Variants in BBS9 observed in about 807,000 individuals in gnomAD.
The protein encoded by BBS9 is protein PTHB1.
In BBS9, 89 loss-of-function variants were observed where a neutral mutation model predicts 117.7. That is an observed-to-expected ratio of 0.76 (90% confidence interval 0.64 to 0.90). The LOEUF (loss-of-function observed/expected upper bound fraction) is 0.90, where lower values mean the gene tolerates loss of function less well. Ranked by LOEUF, BBS9 falls within the 40% of genes least tolerant of loss-of-function variation. BBS9 has a pLI of 0.00. For missense variants in BBS9, 982 were observed against 1,042.2 expected (o/e 0.94, Z 0.80); for synonymous variants, 379 against 370.9 (o/e 1.02, Z -0.25).
intron 9 of BBS9, among the ~76,000 whole-genome samples, chr7:33,294,315 AT>A (rs1804758374): frequency 7.2e-6 from 1 of 138,844 alleles, no homozygotes; most frequent in African/African-American, 3.0e-5. Flanking sequence ...CTATCTATCT[AT>A]CTATCTATCT....
At chr7:33,487,226 T>C (rs1843237110) in intron 19 of BBS9, among the ~76,000 whole-genome samples, 1 of 152,202 alleles carries the variant, frequency 6.6e-6, no homozygotes, top group South Asian at 2.1e-4. Flanking sequence ...GGTTTCTCCA[T>C]TTTTTAAACT....
intron 21 of BBS9, among the ~76,000 whole-genome samples, chr7:33,597,110 C>G (rs1185246138): frequency 7.1e-6 from 1 of 141,742 alleles, no homozygotes; most frequent in Non-Finnish European, 1.5e-5. Context: ...CACACACACA[C>G]ACAGTAAAAT....
chr7:33,225,830 G>A (rs1791159514), intron 5 of BBS9, among the ~76,000 whole-genome samples: 1 of 151,528 alleles, frequency 6.6e-6, no homozygotes, highest in Non-Finnish European at 1.5e-5. Flanking sequence ...TACATACTTA[G>A]TATTTAAAGG....
At chr7:33,353,262 C>T (rs1011804194) in intron 15 of BBS9, among the ~76,000 whole-genome samples, 1 of 152,112 alleles carries the variant, frequency 6.6e-6, no homozygotes, top group Admixed American at 6.5e-5. Context: ...TTGTGTTTTT[C>T]TACATCCTCC....
chr7:33,462,210 T>A (rs1839563841), intron 19 of BBS9, among the ~76,000 whole-genome samples: 1 of 152,098 alleles, frequency 6.6e-6, no homozygotes, highest in Non-Finnish European at 1.5e-5. Flanking sequence ...AATGTTCTCC[T>A]TGTGTTAAAC....
At chr7:33,187,227 C>G (rs184569633) in intron 5 of BBS9, among the ~76,000 whole-genome samples, 19 of 152,198 alleles carry the variant, frequency 1.2e-4, no homozygotes, top group Admixed American at 2.0e-4. Context: ...GCTGCATATA[C>G]TTAACGTAGT....
intron 19 of BBS9, among the ~76,000 whole-genome samples, chr7:33,400,709 G>A (rs1338342963): frequency 6.6e-6 from 1 of 152,000 alleles, no homozygotes; most frequent in African/African-American, 2.4e-5. Flanking sequence ...TATCAACCCC[G>A]ATATGTTTCT....
intron 19 of BBS9, among the ~76,000 whole-genome samples, chr7:33,429,159 T>C (rs1029059176): frequency 6.6e-6 from 1 of 152,174 alleles, no homozygotes; most frequent in Non-Finnish European, 1.5e-5. Flanking sequence ...TGGAACACAT[T>C]GGCATATGTG....
intron 19 of BBS9, among the ~76,000 whole-genome samples, chr7:33,411,686 T>A (rs915630353): frequency 6.6e-6 from 1 of 152,176 alleles, no homozygotes; most frequent in African/African-American, 2.4e-5. Context: ...AAATGTTCAA[T>A]GTAATATGTA....
intron 21 of BBS9, among the ~76,000 whole-genome samples, chr7:33,559,889 C>T (rs1348947448): frequency 2.0e-5 from 3 of 152,114 alleles, no homozygotes; most frequent in Admixed American, 6.5e-5. Flanking sequence ...TCCTTTGTTC[C>T]CAGATCTCCC....
intron 21 of BBS9, among the ~76,000 whole-genome samples, chr7:33,567,515 T>A (rs575392431): frequency 2.0e-4 from 31 of 152,310 alleles, no homozygotes; most frequent in Middle Eastern, 3.4e-3. Flanking sequence ...GGCTGCTCCT[T>A]CTCAGCCTCT....
intron 7 of BBS9, among the ~76,000 whole-genome samples, 195 bp downstream of exon 7, chr7:33,264,569 C>G (rs1798496938): frequency 6.6e-6 from 1 of 151,960 alleles, no homozygotes; most frequent in South Asian, 2.1e-4. Context: ...TGGTCATGGT[C>G]TTAATATAAC....
intron 19 of BBS9, among the ~76,000 whole-genome samples, chr7:33,404,874 A>C (rs1258597739): frequency 6.6e-6 from 1 of 152,076 alleles, no homozygotes; most frequent in African/African-American, 2.4e-5. Context: ...AGAACTTCCA[A>C]CACTATGTTG....
intron 19 of BBS9, among the ~76,000 whole-genome samples, chr7:33,453,937 TTAG>T (rs1258402677): frequency 6.6e-6 from 1 of 152,320 alleles, no homozygotes; most frequent in East Asian, 1.9e-4. Flanking sequence ...GAGTAAGCAA[TTAG>T]TAGTTAAATT....
intron 6 of BBS9, among the ~76,000 whole-genome samples, chr7:33,262,391 C>T (rs943033915): frequency 3.9e-5 from 6 of 152,122 alleles, no homozygotes; most frequent in Non-Finnish European, 8.8e-5. Context: ...AGGAAATGAA[C>T]CACCTATGTA....
At chr7:33,380,086 CT>C (rs1824687194) in intron 17 of BBS9, 1 of 155,602 alleles carries the variant, frequency 6.4e-6, no homozygotes, top group Non-Finnish European at 1.4e-5. Context: ...GCTGGAGGAG[CT>C]GATGACTAGC....
At chr7:33,468,897 C>T (rs1385203482) in intron 19 of BBS9, among the ~76,000 whole-genome samples, 1 of 152,058 alleles carries the variant, frequency 6.6e-6, no homozygotes, top group Non-Finnish European at 1.5e-5. Flanking sequence ...TTTCTTTATC[C>T]ATTCATCCAT....
chr7:33,138,465 G>T (rs964799953), intron 1 of BBS9, among the ~76,000 whole-genome samples: 3 of 151,058 alleles, frequency 2.0e-5, no homozygotes, highest in African/African-American at 7.2e-5. Context: ...TACTGTTTGG[G>T]GAGGATGAGA....
chr7:33,443,771 T>C (rs1836573179), intron 19 of BBS9, among the ~76,000 whole-genome samples: 2 of 152,202 alleles, frequency 1.3e-5, no homozygotes, highest in Admixed American at 1.3e-4. Flanking sequence ...AGACCCCTTC[T>C]GTGTGACCAT....
Sources: gnomAD v4.1 joint callset for allele counts (sites outside exome capture counted in the v4.1 genomes callset) on GRCh38, gnomAD v4.1.1 for gene constraint, MANE v1.5 for transcripts, NCBI Gene and HGNC (gene_info 2026-07-23, HGNC 2026-07-21) for gene names.